Variants in SZRD1 observed in about 807,000 individuals in gnomAD.
The protein encoded by SZRD1 is SUZ RNA-binding domain-containing.
SZRD1 carries 7 observed loss-of-function variants against 17.6 expected under a neutral mutation model. That is an observed-to-expected ratio of 0.40 (90% CI 0.23 to 0.75). The LOEUF is 0.75. Ranked by LOEUF, SZRD1 falls within the 30% of genes least tolerant of loss-of-function variation. The pLI is 0.38. For missense variants in SZRD1, 178 were observed against 201.8 expected, an observed-to-expected ratio of 0.88 and a Z score of 0.71; for synonymous variants, 77 against 77.9, an observed-to-expected ratio of 0.99 and a Z score of 0.06.
chr1:16,389,696 C>T (rs575383000), intron 1 of SZRD1, among the ~76,000 whole-genome samples: 5 of 152,304 alleles, frequency 3.3e-5, no homozygotes, highest in East Asian at 3.9e-4. Flanking sequence ...CCGCCCGCCT[C>T]GGCCTCCCAA....
chr1:16,391,023 C>CT lies in SZRD1; in HGVS notation c.52-349dup, dbSNP rs2085214257. 6.6e-6 allele frequency among the ~76,000 whole-genome samples: 1 copy of CT among 152,056 alleles called. No homozygotes were observed. The highest frequency in any genetic ancestry group is 6.6e-5 in the Admixed American group (1 of 15,250). On this transcript the variant is annotated intron_variant, in intron 1 of 3. Coordinates refer to ENST00000401088, the MANE Select transcript of SZRD1 (RefSeq NM_001114600.3). This position sits in a 1 kb window ranked among gnomAD's most constrained non-coding sequence, Gnocchi z 4.3. The stretch of plus-strand genomic sequence containing the variant: ...TTTATGTTTAATTTTTTTTCCAACT[C>CT]TTTATTTCATAAAATAGAGTAAGTG...
chr1:16,395,430 T>C lies in SZRD1; in HGVS notation c.*290T>C. The C allele has an allele frequency of 2.3e-6, 1 of 440,294 alleles. No homozygotes were observed. Among genetic ancestry groups the C allele is most frequent in the South Asian group, 2.2e-5 (1 of 46,238 alleles). 27.3% of individuals were successfully genotyped at this position (440,294 alleles called of 1,614,324 possible). A position where few individuals can be genotyped will look rare whatever the true frequency, so the allele number is the denominator to read the frequency against. ...AAGGTTGGGGGGACCCAGCAAGGAC[T>C]CAGAGAGTCAGACAGTGCCACTTGG... On this transcript the variant is annotated 3_prime_UTR_variant, in exon 4 of 4. Transcript: ENST00000401088.
At position 16,393,321 on chromosome 1, in the gene SZRD1, G is replaced by A. The variant is rs2085247919; in HGVS notation, c.195G>A (p.Arg65=). The A allele has an allele frequency of 6.2e-7, 1 of 1,614,038 alleles. No individual in the cohort carries two copies. The highest frequency in any genetic ancestry group is 1.1e-5 in the South Asian group (1 of 91,086). ...CTCCACAGATCCGCATCCTCAAGAGGCCCACCAGCAACGGTGTGGTCAGCA... is the reference window on the plus strand; with the variant it reads ...CTCCACAGATCCGCATCCTCAAGAGACCCACCAGCAACGGTGTGGTCAGCA... ...GPPPQIRILK[R]PTSNGVVSSP... Residue 65 remains arginine (R), a synonymous_variant, in exon 3 of 4, where the codon AGG becomes AGA. Coordinates refer to ENST00000401088, the MANE Select transcript of SZRD1 (RefSeq NM_001114600.3). This position sits in a 1 kb window ranked among gnomAD's most constrained non-coding sequence, Gnocchi z 5.6.
intron 1 of SZRD1, among the ~76,000 whole-genome samples, chr1:16,370,544 T>C (rs1158353130): frequency 1.3e-5 from 2 of 151,586 alleles, no homozygotes; most frequent in African/African-American, 4.8e-5. Context: ...TTTTAATTTT[T>C]TTTTTATTTT....
chr1:16,371,428 C>G lies in SZRD1; in HGVS notation c.51+4120C>G, dbSNP rs113719246. ...CTCTGCTCCCATCCCTCTGCTCCCCCCTCTCCCTTCCTTTTTTTTCCTTTT... is the reference window on the plus strand; with the variant it reads ...CTCTGCTCCCATCCCTCTGCTCCCCGCTCTCCCTTCCTTTTTTTTCCTTTT... On this transcript the variant is annotated intron_variant, in intron 1 of 3. Coordinates refer to ENST00000401088, the MANE Select transcript of SZRD1 (RefSeq NM_001114600.3). Among the ~76,000 whole-genome samples, 652 of 148,280 alleles carry G rather than the reference C, an allele frequency of 4.4e-3. 7 individuals carry two copies. The highest frequency in any genetic ancestry group is 0.015 in the African/African-American group (608 of 39,714).
intron 1 of SZRD1, among the ~76,000 whole-genome samples, chr1:16,374,830 A>G (rs1450577250): frequency 2.0e-5 from 3 of 152,102 alleles, no homozygotes; most frequent in Non-Finnish European, 4.4e-5. Flanking sequence ...ATAAAATAAA[A>G]AAATTTTAAT....
chr1:16,381,085 TAAAA>T (rs139686580), intron 1 of SZRD1, among the ~76,000 whole-genome samples: 5 of 123,156 alleles, frequency 4.1e-5, no homozygotes, highest in South Asian at 5.4e-4. Context: ...CCTGGCTCGT[TAAAA>T]AAAAAAAAAA....
At chr1:16,392,509 GCTTTT>G (rs1435522993) in intron 2 of SZRD1, among the ~76,000 whole-genome samples, 1 of 152,190 alleles carries the variant, frequency 6.6e-6, no homozygotes, top group Non-Finnish European at 1.5e-5. Context: ...CTTGGACAAT[GCTTTT>G]CTTTTGAGCA....
In SZRD1 at chr1:16,389,276, T is replaced by G. The variant is rs28448306; in HGVS notation, c.52-2099T>G. ...TTTTTTGTATTTTTTTGAGGGGGGG[T>G]GGGGGGGGGGCAGAGTCTTGCTCTG... On this transcript the variant is annotated intron_variant, in intron 1 of 3. Transcript: ENST00000401088. Among the ~76,000 whole-genome samples the G allele has an allele frequency of 6.8e-3, 551 of 81,492 alleles. 8 individuals carry two copies. The highest frequency in any genetic ancestry group is 0.02 in the African/African-American group (505 of 25,490). 53.5% of individuals were successfully genotyped at this position (81,492 alleles called of 152,430 possible).
intron 1 of SZRD1, among the ~76,000 whole-genome samples, chr1:16,372,623 T>C (rs1206756520): frequency 6.6e-6 from 1 of 152,232 alleles, no homozygotes; most frequent in African/African-American, 2.4e-5. Context: ...TTTTATTCTT[T>C]TTCTCCAGGT....
In SZRD1 at chr1:16,395,278, C is replaced by T. The variant is rs959078013; in HGVS notation, c.*138C>T. The T allele has an allele frequency of 2.8e-6, 2 of 711,096 alleles. No homozygotes were observed. 44.0% of individuals were successfully genotyped at this position (711,096 alleles called of 1,614,324 possible). On this transcript the variant is annotated 3_prime_UTR_variant, in exon 4 of 4. Coordinates refer to ENST00000401088, the MANE Select transcript of SZRD1 (RefSeq NM_001114600.3). ...CTTACTTGCACTGTGATCCCCCTTG[C>T]TCCGCCCACTGTGACCTTGAACCCC...
In SZRD1 at chr1:16,395,386, A is replaced by C. The variant is rs932697946; in HGVS notation, c.*246A>C. The C allele has an allele frequency of 7.6e-6, 4 of 524,638 alleles. No homozygotes were observed. The African/African-American group carries it at 7.6e-5, about 10-fold the overall frequency. 32.5% of individuals were successfully genotyped at this position (524,638 alleles called of 1,614,324 possible). ...GGCTGTCCCAAGTCAATGGAAAGGG[A>C]AAGGGTGGGGGTTAGGGGAAGGTTG... On this transcript the variant is annotated 3_prime_UTR_variant, in exon 4 of 4. Coordinates refer to ENST00000401088, the MANE Select transcript of SZRD1 (RefSeq NM_001114600.3).
rs1251109699 is a variant in SZRD1 at position 16,393,269 on chromosome 1, A to G, written c.143A>G (p.Gln48Arg). 1 of 1,614,190 alleles carries G rather than the reference A, an allele frequency of 6.2e-7. No homozygotes were observed. The highest frequency in any genetic ancestry group is 8.5e-7 in the Non-Finnish European group (1 of 1,180,028). ...CCTCCCAAAGTGCCCATTGTGATTCAGGACGATAGCCTTCCCGCGGGGCCC... is the reference window on the plus strand; with the variant it reads ...CCTCCCAAAGTGCCCATTGTGATTCGGGACGATAGCCTTCCCGCGGGGCCC... ...KSPPKVPIVIQDDSLPAGPPP... is the reference protein window; with the variant it reads ...KSPPKVPIVIRDDSLPAGPPP... The change falls in exon 3 of 4, where the codon CAG becomes CGG. Residue 48 changes from glutamine (Q) to arginine (R), a missense_variant. Transcript: ENST00000401088. This position sits in a 1 kb window ranked among gnomAD's most constrained non-coding sequence, Gnocchi z 5.6.
rs2083134366 is a variant in SZRD1 at position 16,383,157 on chromosome 1, T to G, written c.52-8218T>G. Among the ~76,000 whole-genome samples the G allele has an allele frequency of 2.6e-5, 4 of 152,158 alleles. No individual in the cohort carries two copies. In the South Asian group the frequency reaches 8.3e-4, roughly 32 times the overall value. On this transcript the variant is annotated intron_variant, in intron 1 of 3. Coordinates refer to ENST00000401088, the MANE Select transcript of SZRD1 (RefSeq NM_001114600.3). Reference sequence around the variant, plus strand: ...ACATGGGTAATTTTATATTTTCTTTTTCTTTTCTTTCTTTCTTTCTCTCCT... The same window carrying G: ...ACATGGGTAATTTTATATTTTCTTTGTCTTTTCTTTCTTTCTTTCTCTCCT...
chr1:16,385,908 C>T (rs1427994641), intron 1 of SZRD1, among the ~76,000 whole-genome samples: 1 of 152,122 alleles, frequency 6.6e-6, no homozygotes, highest in Non-Finnish European at 1.5e-5. Flanking sequence ...AAGGACCAGC[C>T]CTGTCGAGAA....
intron 1 of SZRD1, among the ~76,000 whole-genome samples, chr1:16,381,647 GA>G (rs949493311): frequency 9.0e-4 from 137 of 152,074 alleles, no homozygotes; most frequent in African/African-American, 3.2e-3. Context: ...GAAGCTCGTT[GA>G]AGGCCGAGTG....
Position 16,370,640 on chromosome 1 carries a change from T to A in SZRD1, c.51+3332T>A, listed in dbSNP as rs188562240. 2.2e-3 allele frequency among the ~76,000 whole-genome samples: 328 copies of A among 151,056 alleles called. 1 individual carries two copies. The highest frequency in any genetic ancestry group is 7.3e-3 in the African/African-American group (299 of 41,020). On this transcript the variant is annotated intron_variant, in intron 1 of 3. Transcript: ENST00000401088. ...TGGCAGCTTTCATTAAAAAAAAAAA[T>A]ATTTATTTATTTTAGATACAGGGTC...
In SZRD1 at chr1:16,391,962, G is replaced by A. The variant is rs1380032614; in HGVS notation, c.101+538G>A. On this transcript the variant is annotated intron_variant, in intron 2 of 3. Coordinates refer to ENST00000401088, the MANE Select transcript of SZRD1 (RefSeq NM_001114600.3). The surrounding 1 kb of genome is among the most constrained non-coding windows in gnomAD (Gnocchi z 4.3). ...TCCAGAGTAGGTGAAAGTTGACTTC[G>A]GCTTTCTGCTTTTGGGCTTAGGGAA... Among the ~76,000 whole-genome samples, 1 of 152,044 alleles carries A rather than the reference G, an allele frequency of 6.6e-6. No individual in the cohort carries two copies. Among genetic ancestry groups the A allele is most frequent in the Non-Finnish European group, 1.5e-5 (1 of 68,022 alleles).
At chr1:16,379,369 C>G (rs960357599) in intron 1 of SZRD1, among the ~76,000 whole-genome samples, 1 of 152,356 alleles carries the variant, frequency 6.6e-6, no homozygotes, top group East Asian at 1.9e-4. Context: ...TCCCAAAGTG[C>G]TGGGATTACA....
Sources: allele counts gnomAD v4.1 joint callset (sites outside exome capture counted in the v4.1 genomes callset), GRCh38; gene constraint gnomAD v4.1.1; non-coding constraint Gnocchi (gnomAD v3.1); transcripts MANE v1.5; gene names NCBI Gene and HGNC (gene_info 2026-07-23, HGNC 2026-07-21).